Variants in PPARGC1B observed in about 807,000 individuals in gnomAD.
PPARGC1B encodes the protein peroxisome proliferator-activated receptor gamma coactivator 1-beta.
Under a neutral mutation model 101.6 loss-of-function variants are expected in PPARGC1B, and 34 were observed. That is an observed-to-expected ratio of 0.33 (90% CI 0.25 to 0.45). The LOEUF is 0.45. PPARGC1B is among the 20% of genes least tolerant of loss of function. The pLI, the probability that PPARGC1B is intolerant of heterozygous loss-of-function variation, is 1.00. For synonymous variants in PPARGC1B, 548 were observed against 539.3 expected (o/e 1.02, Z -0.22); for missense variants, 1,234 against 1,317.6 (o/e 0.94, Z 0.98).
intron 1 of PPARGC1B, among the ~76,000 whole-genome samples, chr5:149,802,384 G>A (rs1757458781): frequency 6.6e-6 from 1 of 152,172 alleles, no homozygotes; most frequent in East Asian, 1.9e-4. Flanking sequence ...GATTCAGATG[G>A]TCTCTGCTGC....
chr5:149,805,706 A>T (rs2113304075), intron 1 of PPARGC1B, among the ~76,000 whole-genome samples: 1 of 152,334 alleles, frequency 6.6e-6, no homozygotes, highest in South Asian at 2.1e-4. Flanking sequence ...TGGTGCTGGG[A>T]TTACAGGTGT....
chr5:149,731,654 C>T (rs928577484), intron 1 of PPARGC1B, among the ~76,000 whole-genome samples: 1 of 150,588 alleles, frequency 6.6e-6, no homozygotes, highest in African/African-American at 2.4e-5. Flanking sequence ...GAGAGGGAAA[C>T]TTTGCTTCTT....
At chr5:149,806,162 C>G (rs1452583033) in intron 1 of PPARGC1B, among the ~76,000 whole-genome samples, 1 of 152,264 alleles carries the variant, frequency 6.6e-6, no homozygotes, top group Non-Finnish European at 1.5e-5. Flanking sequence ...TACTGCCTGT[C>G]CACCCACCTG....
intron 1 of PPARGC1B, among the ~76,000 whole-genome samples, chr5:149,786,496 C>T (rs866415385): frequency 7.2e-5 from 11 of 152,228 alleles, no homozygotes; most frequent in African/African-American, 2.7e-4. Flanking sequence ...CTCGGCCTCC[C>T]GAAGTGCTGG....
chr5:149,795,142 C>T (rs1757162582), intron 1 of PPARGC1B, among the ~76,000 whole-genome samples: 1 of 152,216 alleles, frequency 6.6e-6, no homozygotes, highest in African/African-American at 2.4e-5. Flanking sequence ...GCACCTATGC[C>T]TCCCTTGCAG....
intron 1 of PPARGC1B, among the ~76,000 whole-genome samples, chr5:149,778,327 C>G (rs1756471634): frequency 6.6e-6 from 1 of 152,050 alleles, no homozygotes; most frequent in South Asian, 2.1e-4. Flanking sequence ...ACCCGCCAGT[C>G]TGCAACTCCG....
intron 1 of PPARGC1B, among the ~76,000 whole-genome samples, chr5:149,738,430 A>G (rs1754802938): frequency 6.6e-6 from 1 of 152,216 alleles, no homozygotes; most frequent in African/African-American, 2.4e-5. Context: ...TCTTCAGGGC[A>G]GACACTGCTT....
At chr5:149,744,477 G>A (rs556052810) in intron 1 of PPARGC1B, among the ~76,000 whole-genome samples, 7 of 152,268 alleles carry the variant, frequency 4.6e-5, no homozygotes, top group African/African-American at 9.6e-5. Context: ...ATGTGAAAGC[G>A]CAAAGCTCAT....
chr5:149,796,565 G>A (rs1290550746), intron 1 of PPARGC1B, among the ~76,000 whole-genome samples: 2 of 152,178 alleles, frequency 1.3e-5, no homozygotes, highest in African/African-American at 2.4e-5. Context: ...GGGGTGGGGT[G>A]AGCAAGTGTG....
At chr5:149,846,016 C>T in intron 11 of PPARGC1B, 102 bp downstream of exon 11, 2 of 1,382,802 alleles carry the variant, frequency 1.4e-6, no homozygotes, top group Non-Finnish European at 2.0e-6. Flanking sequence ...GTGGACATAG[C>T]TTCCATCCCC....
intron 1 of PPARGC1B, among the ~76,000 whole-genome samples, chr5:149,819,675 G>C (rs1758201779): frequency 6.6e-6 from 1 of 152,144 alleles, no homozygotes; most frequent in South Asian, 2.1e-4. Flanking sequence ...GCTAATTTGT[G>C]TATTTTTAGT....
intron 1 of PPARGC1B, among the ~76,000 whole-genome samples, chr5:149,757,763 G>A (rs530915625): frequency 1.4e-4 from 21 of 152,308 alleles, no homozygotes; most frequent in South Asian, 4.1e-4. Flanking sequence ...TTGGAAAGGC[G>A]GGGCCCCTGG....
Position 149,833,742 on chromosome 5 carries a change from G to A in PPARGC1B, c.1669G>A (p.Asp557Asn), listed in dbSNP as rs1285003525. Residue 557 changes from aspartate (D) to asparagine (N), a missense_variant, in exon 5 of 12, where the codon GAT becomes AAT. Coordinates refer to ENST00000309241, the MANE Select transcript of PPARGC1B (RefSeq NM_133263.4). This position sits in a 1 kb window ranked among gnomAD's most constrained non-coding sequence, Gnocchi z 4.1. ...SPCESGCGDM[D>N]EDPSCPQLPP... is the part of the protein sequence containing the mutation. ...CTGTGAGAGTGGGTGTGGGGACATG[G>A]ATGAGGACCCCAGCTGCCCGCAGCT... The A allele has an allele frequency of 1.3e-6, 2 of 1,570,980 alleles. No homozygotes were observed. The highest frequency in any genetic ancestry group is 2.7e-5 in the African/African-American group (2 of 74,098).
chr5:149,789,019 G>A, intron 1 of PPARGC1B, among the ~76,000 whole-genome samples: 1 of 152,116 alleles, frequency 6.6e-6, no homozygotes, highest in East Asian at 1.9e-4. Context: ...CATGGCACAT[G>A]TATACATATG....
chr5:149,837,004 C>G lies in PPARGC1B; in HGVS notation c.2549C>G (p.Ser850Cys), dbSNP rs1759117699. 6.2e-7 allele frequency: 1 copy of G among 1,613,974 alleles called. No individual in the cohort carries two copies. The part of the protein sequence containing the change: ...PPSKANRQLC[S>C]RSRSSSGSSP... ...AGCAAGGCCAACCGGCAGCTCTGTT[C>G]CCGCAGCCGCTCAAGCTCTGGCTCT... Residue 850 changes from serine to cysteine, a missense_variant, in exon 8 of 12, where the codon TCC (serine) becomes TGC (cysteine). Coordinates refer to ENST00000309241, the MANE Select transcript of PPARGC1B (RefSeq NM_133263.4). This position sits in a 1 kb window ranked among gnomAD's most constrained non-coding sequence, Gnocchi z 4.2.
intron 1 of PPARGC1B, among the ~76,000 whole-genome samples, chr5:149,813,957 T>C (rs1757955210): frequency 6.6e-6 from 1 of 152,164 alleles, no homozygotes; most frequent in African/African-American, 2.4e-5. Context: ...CATGACCTCA[T>C]CACCTCCCAG....
At chr5:149,810,926 G>T (rs1757829607) in intron 1 of PPARGC1B, among the ~76,000 whole-genome samples, 2 of 152,280 alleles carry the variant, frequency 1.3e-5, no homozygotes, top group African/African-American at 4.8e-5. Context: ...TCCATCATAA[G>T]ACTTTATTTC....
rs536530056 is a variant in PPARGC1B, at chr5:149,835,441, GGCAAGGTGCCACGCAATGAACGATGC to G, written c.1807+82_1807+107del. 747 of 1,327,738 alleles carry G rather than the reference GGCAAGGTGCCACGCAATGAACGATGC, an allele frequency of 5.6e-4. 6 individuals are homozygous for G. The African/African-American group carries it at 0.01, about 18-fold the overall frequency. 82.2% of individuals were successfully genotyped at this position (1,327,738 alleles called of 1,614,324 possible). On this transcript the variant is annotated intron_variant, in intron 7 of 11. Transcript: ENST00000309241. ...ATCTCTGAGTTTTTCATCATGCATG[GGCAAGGTGCCACGCAATGAACGATGC>G]GCAAGATGCCTGCCTTCACGGGGCT... is the stretch of plus-strand genomic sequence containing the variant.
At position 149,730,473 on chromosome 5, in the gene PPARGC1B, G is replaced by C; in HGVS notation, c.78+53G>C. 1 of 1,390,876 alleles carries C rather than the reference G, an allele frequency of 7.2e-7. No homozygotes were observed. The highest frequency in any genetic ancestry group is 1.4e-5 in the South Asian group (1 of 72,296). The allele number at this position is 1,390,876 out of a possible 1,614,324, so 86.2% of individuals were successfully genotyped here. A position where few individuals can be genotyped will look rare whatever the true frequency, so the allele number is the denominator to read the frequency against. ...GGGCCAGGGGTGCTGAGCTGCGGGG[G>C]CCGCAGCTGCAGCCGCGGAGGCCGG... On this transcript the variant is annotated intron_variant, in intron 1 of 11. Coordinates refer to ENST00000309241, the MANE Select transcript of PPARGC1B (RefSeq NM_133263.4). This position sits in a 1 kb window ranked among gnomAD's most constrained non-coding sequence, Gnocchi z 4.0.
Sources: allele counts gnomAD v4.1 joint callset (sites outside exome capture counted in the v4.1 genomes callset), GRCh38; gene constraint gnomAD v4.1.1; non-coding constraint Gnocchi (gnomAD v3.1); transcripts MANE v1.5; gene names NCBI Gene and HGNC (gene_info 2026-07-23, HGNC 2026-07-21).